The following ATP6V1A variants were observed in gnomAD, a reference collection of about 807,000 sequenced individuals.
ATP6V1A encodes ATPase H+ transporting V1 subunit A, also known as V-type proton ATPase catalytic subunit A.
A neutral mutation model predicts 70.1 loss-of-function variants in ATP6V1A; 18 were observed. That is an observed-to-expected ratio of 0.26 (90% confidence interval 0.18 to 0.38). The LOEUF (loss-of-function observed/expected upper bound fraction) is 0.38. ATP6V1A is among the 10% of genes least tolerant of loss of function. ATP6V1A has a pLI of 1.00. For missense variants in ATP6V1A, 424 were observed against 772.4 expected (o/e 0.55, Z 5.35); for synonymous variants, 232 against 253.8 (o/e 0.91, Z 0.82).
chr3:113,796,168 G>A (rs1709151742), intron 11 of ATP6V1A, among the ~76,000 whole-genome samples: 1 of 152,114 alleles, frequency 6.6e-6, no homozygotes, highest in Non-Finnish European at 1.5e-5. Flanking sequence ...TAATATATAA[G>A]TGGAAAATAT....
intron 1 of ATP6V1A, among the ~76,000 whole-genome samples, chr3:113,759,177 A>T (rs1559748895): frequency 6.6e-6 from 1 of 151,444 alleles, no homozygotes; most frequent in Non-Finnish European, 1.5e-5. Flanking sequence ...TCTTTTGTGG[A>T]TTGTGCTTTT....
intron 1 of ATP6V1A, among the ~76,000 whole-genome samples, chr3:113,759,563 A>G (rs941594545): frequency 6.6e-6 from 1 of 151,950 alleles, no homozygotes; most frequent in African/African-American, 2.4e-5. Flanking sequence ...TAAAATTATT[A>G]ATAAAATTAT....
chr3:113,789,652 T>TAAA, intron 7 of ATP6V1A, 80 bp from the exon 8 acceptor site: 27 of 936,854 alleles, frequency 2.9e-5, no homozygotes, highest in East Asian at 5.7e-5. Context: ...GGCAAAAGTT[T>TAAA]AAAAAAAAAA....
rs762901487 is a variant in ATP6V1A at position 113,772,933 on chromosome 3, C to CTTTTTTTTTTT, written c.-13-5796_-13-5786dup. 3.9e-4 allele frequency among the ~76,000 whole-genome samples: 35 copies of CTTTTTTTTTTT among 90,450 alleles called. 2 individuals carry two copies. Among genetic ancestry groups the CTTTTTTTTTTT allele is most frequent in the East Asian group, 7.3e-4 (2 of 2,758 alleles). The allele number at this position is 90,450 out of a possible 152,430, so 59.3% of individuals were successfully genotyped here. On this transcript the variant is annotated intron_variant, in intron 1 of 14. Transcript: ENST00000273398. Reference sequence around the variant, plus strand: ...CATTTTTTTCTCCACTTAATATTGGCTTTTTTTTTTTTTTTTTTTTTTGAG... The same window carrying CTTTTTTTTTTT: ...CATTTTTTTCTCCACTTAATATTGGCTTTTTTTTTTTTTTTTTTTTTTTTTTTTTTTTTGAG...
intron 1 of ATP6V1A, 135 bp from the exon 2 acceptor site, chr3:113,778,606 C>G (rs1044490235): frequency 4.4e-6 from 2 of 453,030 alleles, no homozygotes; most frequent in Non-Finnish European, 7.6e-6. Context: ...TTTTTTTATT[C>G]TACTTTGAAG....
At chr3:113,755,888 A>G (rs543626265) in intron 1 of ATP6V1A, among the ~76,000 whole-genome samples, 7 of 152,258 alleles carry the variant, frequency 4.6e-5, no homozygotes, top group Non-Finnish European at 1.0e-4. Context: ...CTTGAGTATT[A>G]CGTTGGAGAT....
chr3:113,747,184 G>A (rs1708532740), intron 1 of ATP6V1A, 71 bp downstream of exon 1: 1 of 152,448 alleles, frequency 6.6e-6, no homozygotes, highest in African/African-American at 2.4e-5. Context: ...AAGGAGAGAA[G>A]GGAGAGTGTG....
chr3:113,789,833 T>C lies in ATP6V1A; in HGVS notation c.981T>C (p.Ile327=). 6.3e-7 allele frequency: 1 copy of C among 1,592,730 alleles called. No individual in the cohort carries two copies. The highest frequency in any genetic ancestry group is 8.6e-7 in the Non-Finnish European group (1 of 1,160,566). The part of the protein sequence containing the change: ...NMPVAAREAS[I]YTGITLSEYF... Reference sequence around the variant, plus strand: ...CTGTTGCTGCTAGAGAAGCCTCTATTTATACTGGTGAGTATATAATTGGAA... The same window carrying C: ...CTGTTGCTGCTAGAGAAGCCTCTATCTATACTGGTGAGTATATAATTGGAA... Residue 327 remains isoleucine (I), a synonymous_variant, in exon 8 of 15, where the codon ATT becomes ATC. Coordinates refer to ENST00000273398, the MANE Select transcript of ATP6V1A (RefSeq NM_001690.4).
Position 113,794,858 on chromosome 3 carries a change from T to A in ATP6V1A, c.989-14T>A. ...CTAGCATTGTAACTTATAATAATAT[T>A]CTTCCCAATTTAGGAATCACACTGT... is the stretch of plus-strand genomic sequence containing the variant. On this transcript the variant is annotated splice_polypyrimidine_tract_variant and intron_variant, in intron 8 of 14. Coordinates refer to ENST00000273398, the MANE Select transcript of ATP6V1A (RefSeq NM_001690.4). 1 of 1,594,328 alleles carries A rather than the reference T, an allele frequency of 6.3e-7. No individual in the cohort carries two copies. The highest frequency in any genetic ancestry group is 8.5e-7 in the Non-Finnish European group (1 of 1,174,730).
intron 1 of ATP6V1A, among the ~76,000 whole-genome samples, chr3:113,753,628 A>G (rs570437308): frequency 2.6e-4 from 40 of 151,650 alleles, no homozygotes; most frequent in African/African-American, 9.7e-4. Context: ...AAATGGTAGG[A>G]GTTAAATCTA....
chr3:113,768,974 T>C (rs574228383), intron 1 of ATP6V1A, among the ~76,000 whole-genome samples: 2 of 152,292 alleles, frequency 1.3e-5, no homozygotes, highest in South Asian at 4.1e-4. Flanking sequence ...AGAACATCAT[T>C]TATTATGTGC....
chr3:113,787,335 A>G (rs1709049147), intron 6 of ATP6V1A, among the ~76,000 whole-genome samples: 1 of 152,214 alleles, frequency 6.6e-6, no homozygotes, highest in African/African-American at 2.4e-5. Flanking sequence ...GAAGCAAGCA[A>G]CATGAATACC....
chr3:113,784,421 C>A lies in ATP6V1A; in HGVS notation c.409C>A (p.Pro137Thr). The stretch of plus-strand genomic sequence containing the variant: ...CAGAGATATCAAATGGGACTTTACA[C>A]CTTGCAAAAACCTACGGGTATGTCT... ...LSRDIKWDFT[P>T]CKNLRVGSHI... Residue 137 changes from proline (P) to threonine (T), a missense_variant, in exon 4 of 15, where the codon CCT becomes ACT. Physicochemically the swap from Pro to Thr is conservative, Grantham distance 38. Transcript: ENST00000273398. The A allele has an allele frequency of 6.2e-7, 1 of 1,612,998 alleles. No homozygotes were observed. The highest frequency in any genetic ancestry group is 8.5e-7 in the Non-Finnish European group (1 of 1,179,192).
chr3:113,780,690 T>TTCCA, intron 2 of ATP6V1A: 1 of 1,228,202 alleles, frequency 8.1e-7, no homozygotes, highest in Non-Finnish European at 1.1e-6. Flanking sequence ...AAACCATTTA[T>TTCCA]TCCAATTTCT....
At chr3:113,796,584 G>A (rs1463439793) in intron 11 of ATP6V1A, among the ~76,000 whole-genome samples, 2 of 152,124 alleles carry the variant, frequency 1.3e-5, no homozygotes, top group African/African-American at 4.8e-5. Flanking sequence ...TAGTGGATAG[G>A]TAGCCAGCTT....
At chr3:113,770,905 C>A (rs1708831775) in intron 1 of ATP6V1A, among the ~76,000 whole-genome samples, 1 of 151,648 alleles carries the variant, frequency 6.6e-6, no homozygotes, top group South Asian at 2.1e-4. Context: ...CCAGCCTGGC[C>A]AATAAGGTGA....
rs565669922 is a variant in ATP6V1A at position 113,770,540 on chromosome 3, A to G, written c.-13-8201A>G. ...TAAAAATGCAAAAAATTAGCCAGGCATGGTGGCTCGTGCCTATAGTCCCAG... is the reference window on the plus strand; with the variant it reads ...TAAAAATGCAAAAAATTAGCCAGGCGTGGTGGCTCGTGCCTATAGTCCCAG... On this transcript the variant is annotated intron_variant, in intron 1 of 14. Transcript: ENST00000273398. 1.3e-4 allele frequency among the ~76,000 whole-genome samples: 20 copies of G among 152,108 alleles called. No individual in the cohort carries two copies. In the South Asian group the frequency reaches 4.1e-3, roughly 32 times the overall value.
At chr3:113,803,306 G>T in intron 12 of ATP6V1A, 1 of 257,920 alleles carries the variant, frequency 3.9e-6, no homozygotes, top group Non-Finnish European at 7.3e-6. Flanking sequence ...TTTCAGACTT[G>T]CAAGATGGAA....
chr3:113,789,765 A>G lies in ATP6V1A; in HGVS notation c.913A>G (p.Ile305Val), dbSNP rs1709072542. The G allele has an allele frequency of 1.2e-6, 2 of 1,613,032 alleles. No homozygotes were observed. Among genetic ancestry groups the G allele is most frequent in the Non-Finnish European group, 1.7e-6 (2 of 1,179,034 alleles). Residue 305 changes from isoleucine (I) to valine (V), a missense_variant, in exon 8 of 15, where the codon ATT becomes GTT. By Grantham distance (29) the Ile-to-Val change is conservative (BLOSUM62 3). Around this residue, in one of 9 missense-constraint regions of ATP6V1A, gnomAD observed 18 missense variants for 16.2 expected, o/e 1.11. Coordinates refer to ENST00000273398, the MANE Select transcript of ATP6V1A (RefSeq NM_001690.4). Reference protein sequence around the residue: ...TMEVDGKVESIMKRTALVANT... With the variant: ...TMEVDGKVESVMKRTALVANT... ...GGAGGTTGATGGTAAGGTAGAGTCA[A>G]TTATGAAGAGGACAGCTTTGGTAGC... is the stretch of plus-strand genomic sequence containing the variant.
Sources: allele counts gnomAD v4.1 joint callset (sites outside exome capture counted in the v4.1 genomes callset), GRCh38; gene constraint gnomAD v4.1.1; regional missense constraint gnomAD v4.1.1; transcripts MANE v1.5; gene names NCBI Gene and HGNC (gene_info 2026-07-23, HGNC 2026-07-21).